The following MAP3K5 variants were observed in gnomAD, a reference collection of about 807,000 sequenced individuals.
The protein encoded by MAP3K5 is ASK-1.
Under a neutral mutation model 158.7 loss-of-function variants are expected in MAP3K5, and 56 were observed. The observed-to-expected ratio is 0.35, with a 90% CI of 0.28 to 0.44. The LOEUF (loss-of-function observed/expected upper bound fraction) is 0.44, where lower values mean the gene tolerates loss of function less well. Among genes scored for constraint, MAP3K5 ranks in the 20% least tolerant of loss-of-function variants. The pLI is 1.00. For missense variants in MAP3K5, 1,294 were observed against 1,674.8 expected (o/e 0.77, Z 3.97); for synonymous variants, 579 against 601.7 (o/e 0.96, Z 0.55).
intron 14 of MAP3K5, among the ~76,000 whole-genome samples, chr6:136,635,832 G>A (rs1777607186): frequency 6.6e-6 from 1 of 151,580 alleles, no homozygotes; most frequent in Non-Finnish European, 1.5e-5. Flanking sequence ...ACAATGAGCT[G>A]TGATTGTGCC....
At chr6:136,700,860 C>T (rs1040491434) in intron 3 of MAP3K5, among the ~76,000 whole-genome samples, 1 of 152,162 alleles carries the variant, frequency 6.6e-6, no homozygotes, top group African/African-American at 2.4e-5. Context: ...ACGTGGGACA[C>T]CCGACTACTG....
At chr6:136,722,416 C>T (rs558082710) in intron 1 of MAP3K5, among the ~76,000 whole-genome samples, 3 of 152,178 alleles carry the variant, frequency 2.0e-5, no homozygotes, top group Admixed American at 6.5e-5. Flanking sequence ...TTTAAAATAA[C>T]TCAGCAATGA....
At chr6:136,620,694 TTC>T (rs1776759576) in intron 15 of MAP3K5, among the ~76,000 whole-genome samples, 2 of 152,244 alleles carry the variant, frequency 1.3e-5, no homozygotes, top group South Asian at 2.1e-4. Flanking sequence ...TAATCCAATC[TTC>T]TCTCTTTCAG....
chr6:136,672,764 C>T (rs1298884867), intron 7 of MAP3K5, among the ~76,000 whole-genome samples: 3 of 151,874 alleles, frequency 2.0e-5, no homozygotes, highest in African/African-American at 4.8e-5. Context: ...ACAAGGTAGG[C>T]GGATCACTTG....
At chr6:136,643,982 G>T (rs111883299) in intron 11 of MAP3K5, among the ~76,000 whole-genome samples, 6 of 152,264 alleles carry the variant, frequency 3.9e-5, no homozygotes, top group African/African-American at 1.4e-4. Context: ...TATCCTCAGA[G>T]CCTGCAGCTG....
chr6:136,642,595 T>C lies in MAP3K5; in HGVS notation c.1789-26A>G, dbSNP rs750716870. 3.4e-6 allele frequency: 5 copies of C among 1,474,278 alleles called. No individual in the cohort carries two copies. In the Admixed American group the frequency reaches 8.8e-5, roughly 26 times the overall value. 91.3% of individuals were successfully genotyped at this position (1,474,278 alleles called of 1,614,324 possible). ...CTAGAACAACAACAAGAAAATATACTGAGTCATCCAAATGGAAAATAACAT... is the reference window on the plus strand; with the variant it reads ...CTAGAACAACAACAAGAAAATATACCGAGTCATCCAAATGGAAAATAACAT... On this transcript the variant is annotated intron_variant, in intron 11 of 29. Transcript: ENST00000359015.
At chr6:136,570,573 C>G (rs1207586631) in intron 25 of MAP3K5, among the ~76,000 whole-genome samples, 1 of 152,154 alleles carries the variant, frequency 6.6e-6, no homozygotes, top group African/African-American at 2.4e-5. Context: ...ATAACAAAAA[C>G]CAGAGTGTCC....
chr6:136,768,740 C>T (rs929932838), intron 1 of MAP3K5, among the ~76,000 whole-genome samples: 2 of 151,672 alleles, frequency 1.3e-5, no homozygotes, highest in Non-Finnish European at 2.9e-5. Context: ...TTGCTGAAAC[C>T]CCATCTCTCC....
Position 136,792,050 on chromosome 6 carries a change from C to G in MAP3K5, c.108G>C (p.Ala36=). The G allele has an allele frequency of 6.5e-7, 1 of 1,549,654 alleles. No individual in the cohort carries two copies. Residue 36 remains alanine (A), a synonymous_variant, in exon 1 of 30, where the codon GCG becomes GCC. Transcript: ENST00000359015. This position sits in a 1 kb window ranked among gnomAD's most constrained non-coding sequence, Gnocchi z 5.7. ...GGTGCTCCTCGCCCTCGCCCACCGCCGCCGCTCCTCCCCTCCTGCAGATGC... is the reference window on the plus strand; with the variant it reads ...GGTGCTCCTCGCCCTCGCCCACCGCGGCCGCTCCTCCCCTCCTGCAGATGC... ...EGGICRRGGA[A]AVGEGEEHQL...
chr6:136,704,457 CAT>C (rs1313971473), intron 3 of MAP3K5, among the ~76,000 whole-genome samples: 1 of 152,190 alleles, frequency 6.6e-6, no homozygotes, highest in Admixed American at 6.5e-5. Context: ...TACATACACA[CAT>C]ATGTGTGTGT....
At chr6:136,746,269 A>T (rs1406084605) in intron 1 of MAP3K5, among the ~76,000 whole-genome samples, 4 of 146,120 alleles carry the variant, frequency 2.7e-5, no homozygotes, top group Admixed American at 2.6e-4. Flanking sequence ...CAAATGAAAT[A>T]AATTTCATAA....
At chr6:136,680,467 G>T (rs184725169) in intron 7 of MAP3K5, among the ~76,000 whole-genome samples, 1 of 152,214 alleles carries the variant, frequency 6.6e-6, no homozygotes, top group East Asian at 1.9e-4. Context: ...TTACCATAAA[G>T]TTCAGTGTCA....
intron 1 of MAP3K5, among the ~76,000 whole-genome samples, chr6:136,738,676 C>T (rs898130370): frequency 6.6e-6 from 1 of 152,106 alleles, no homozygotes; most frequent in Non-Finnish European, 1.5e-5. Context: ...TTGTAGCATT[C>T]GCTTCTATAT....
intron 11 of MAP3K5, 152 bp from the exon 12 acceptor site, chr6:136,642,721 A>C (rs923489935): frequency 2.2e-5 from 14 of 628,938 alleles, no homozygotes; most frequent in Admixed American, 1.1e-4. Context: ...GGAAAGCACA[A>C]TTCATTCTCA....
chr6:136,770,822 C>T (rs1321409637), intron 1 of MAP3K5, among the ~76,000 whole-genome samples: 3 of 151,950 alleles, frequency 2.0e-5, no homozygotes, highest in African/African-American at 7.3e-5. Context: ...AGAATCTGCA[C>T]TTAAAAGGGA....
chr6:136,707,137 A>T (rs1781110443), intron 2 of MAP3K5, among the ~76,000 whole-genome samples: 1 of 152,204 alleles, frequency 6.6e-6, no homozygotes, highest in Admixed American at 6.5e-5. Context: ...CTTGGGCAAC[A>T]GAGCAAGATC....
At chr6:136,641,654 T>G (rs1447563519) in intron 12 of MAP3K5, among the ~76,000 whole-genome samples, 1 of 151,852 alleles carries the variant, frequency 6.6e-6, no homozygotes, top group Non-Finnish European at 1.5e-5. Flanking sequence ...AGAAGGTTTT[T>G]TTTTTTTTTA....
intron 18 of MAP3K5, among the ~76,000 whole-genome samples, 196 bp from the exon 19 acceptor site, chr6:136,605,562 T>C (rs1583260462): frequency 2.6e-5 from 4 of 152,246 alleles, no homozygotes; most frequent in Admixed American, 1.3e-4. Context: ...ATGGATTTCA[T>C]CAGTGACATA....
intron 11 of MAP3K5, among the ~76,000 whole-genome samples, chr6:136,648,978 T>C (rs1252765594): frequency 6.6e-6 from 1 of 152,230 alleles, no homozygotes; most frequent in Non-Finnish European, 1.5e-5. Context: ...TTTTATTTTA[T>C]TTATTTTTTG....
Sources: gnomAD v4.1 joint callset for allele counts (sites outside exome capture counted in the v4.1 genomes callset) on GRCh38, gnomAD v4.1.1 for gene constraint, Gnocchi (gnomAD v3.1) non-coding constraint, MANE v1.5 for transcripts, NCBI Gene and HGNC (gene_info 2026-07-23, HGNC 2026-07-21) for gene names.